Variants in RYR3 observed in about 807,000 individuals in gnomAD.
RYR3 encodes ryanodine receptor 3.
Under a neutral mutation model 584.3 loss-of-function variants are expected in RYR3, and 207 were observed. The ratio of observed to expected loss-of-function variants is 0.35; its 90% CI spans 0.32 to 0.40. RYR3 has a LOEUF of 0.40. RYR3 is among the 10% of genes least tolerant of loss of function. The pLI, the probability that RYR3 is intolerant of heterozygous loss-of-function variation, is 1.00. For missense variants in RYR3, 5,616 were observed against 6,089.2 expected (o/e 0.92, Z 2.59); for synonymous variants, 2,416 against 2,248.5 (o/e 1.07, Z -2.11).
intron 2 of RYR3, among the ~76,000 whole-genome samples, chr15:33,480,642 A>G (rs1360809658): frequency 4.6e-5 from 7 of 152,246 alleles, no homozygotes; most frequent in Non-Finnish European, 4.4e-5. Flanking sequence ...GTTTTAAACA[A>G]TGAATCAGTG....
chr15:33,488,688 TA>T (rs1485514072), intron 2 of RYR3, among the ~76,000 whole-genome samples: 1 of 152,030 alleles, frequency 6.6e-6, no homozygotes, highest in Non-Finnish European at 1.5e-5. Context: ...CCGTCTCTAC[TA>T]AAAATACAAA....
intron 12 of RYR3, among the ~76,000 whole-genome samples, chr15:33,567,820 ATTG>A (rs1340274820): frequency 1.3e-5 from 2 of 152,192 alleles, no homozygotes; most frequent in Admixed American, 1.3e-4. Context: ...AGCAACTCAT[ATTG>A]TTATAGGCCC....
intron 38 of RYR3, among the ~76,000 whole-genome samples, chr15:33,682,552 TTAA>T (rs2064702146): frequency 6.6e-6 from 1 of 152,182 alleles, no homozygotes; most frequent in Non-Finnish European, 1.5e-5. Context: ...AATTAGAATG[TTAA>T]TAATAATCTC....
intron 46 of RYR3, among the ~76,000 whole-genome samples, chr15:33,727,469 T>C (rs2068563599): frequency 6.6e-6 from 1 of 152,188 alleles, no homozygotes; most frequent in Non-Finnish European, 1.5e-5. Context: ...CACATCAGTA[T>C]AAGCACAGTA....
intron 12 of RYR3, among the ~76,000 whole-genome samples, chr15:33,568,504 C>A (rs2057841199): frequency 2.0e-5 from 3 of 151,874 alleles, no homozygotes; most frequent in Admixed American, 6.6e-5. Flanking sequence ...TAGGGTCTCA[C>A]TGCGGCCTTT....
At chr15:33,631,648 G>A (rs931583620) in intron 23 of RYR3, among the ~76,000 whole-genome samples, 2 of 152,190 alleles carry the variant, frequency 1.3e-5, no homozygotes, top group African/African-American at 4.8e-5. Flanking sequence ...CATTGGACCA[G>A]CCTTGTAAGT....
At chr15:33,628,437 A>C in intron 20 of RYR3, 34 bp from the exon 21 acceptor site, 1 of 1,452,624 alleles carries the variant, frequency 6.9e-7, no homozygotes, top group Middle Eastern at 1.7e-4. Context: ...GTTTCAAAAC[A>C]ATCGATTCTT....
intron 1 of RYR3, among the ~76,000 whole-genome samples, chr15:33,357,894 C>T (rs769581575): frequency 5.3e-5 from 8 of 152,136 alleles, no homozygotes; most frequent in East Asian, 3.9e-4. Context: ...GGCAAACTTA[C>T]GTTGGATCAG....
At chr15:33,512,655 G>T (rs1047821987) in intron 3 of RYR3, among the ~76,000 whole-genome samples, 1 of 152,120 alleles carries the variant, frequency 6.6e-6, no homozygotes, top group African/African-American at 2.4e-5. Flanking sequence ...CTAGAATTCT[G>T]TTCATCCTTG....
rs1285076220 is a variant in RYR3, at chr15:33,586,035, C to G, written c.1707C>G (p.Ser569Arg). Residue 569 changes from serine to arginine, a missense_variant, in exon 16 of 104, where the codon AGC (serine) becomes AGG (arginine). By Grantham distance (110) the Ser-to-Arg change is moderately radical. Transcript: ENST00000634891. ...LEVLHCILTE[S>R]PEALNLIAEG... ...TTTTGCACTGCATCTTAACTGAAAGCCCAGAAGCCTTAAATCTGATAGCGG... is the reference window on the plus strand; with the variant it reads ...TTTTGCACTGCATCTTAACTGAAAGGCCAGAAGCCTTAAATCTGATAGCGG... The G allele has an allele frequency of 6.2e-7, 1 of 1,613,310 alleles. No homozygotes were observed. The highest frequency in any genetic ancestry group is 1.7e-5 in the Admixed American group (1 of 60,016).
At chr15:33,636,689 C>G (rs1031093799) in intron 27 of RYR3, 139 bp downstream of exon 27, 3 of 688,994 alleles carry the variant, frequency 4.4e-6, no homozygotes, top group Middle Eastern at 4.1e-4. Context: ...TGAAGACGAT[C>G]CCATAGACTA....
intron 43 of RYR3, among the ~76,000 whole-genome samples, chr15:33,716,519 C>G (rs1391040662): frequency 6.6e-6 from 1 of 152,118 alleles, no homozygotes; most frequent in African/African-American, 2.4e-5. Flanking sequence ...CAAAGTGAAA[C>G]AGCATCAAAG....
At chr15:33,856,048 C>G (rs1041769793) in intron 98 of RYR3, 7 of 152,190 alleles carry the variant, frequency 4.6e-5, no homozygotes, top group Admixed American at 2.6e-4. Context: ...CTCACAACTA[C>G]CTGGTAAGGC....
chr15:33,755,726 G>T (rs2071756787), intron 58 of RYR3, among the ~76,000 whole-genome samples: 1 of 152,144 alleles, frequency 6.6e-6, no homozygotes, highest in South Asian at 2.1e-4. Flanking sequence ...CTGTTGTCTT[G>T]CTTTATGACT....
chr15:33,800,226 A>C lies in RYR3; in HGVS notation c.9831-544A>C, dbSNP rs143434406. On this transcript the variant is annotated intron_variant, in intron 67 of 103. Coordinates refer to ENST00000634891, the MANE Select transcript of RYR3 (RefSeq NM_001036.6). ...TGCTTATACACTTCAAATCACAGCG[A>C]AAAACATATTATCTTACAAATTTCA... Among the ~76,000 whole-genome samples, 10 of 152,330 alleles carry C rather than the reference A, an allele frequency of 6.6e-5. No homozygotes were observed. In the East Asian group the frequency reaches 1.9e-3, roughly 29 times the overall value.
intron 1 of RYR3, among the ~76,000 whole-genome samples, chr15:33,388,522 T>G (rs1033723691): frequency 1.3e-5 from 2 of 152,140 alleles, no homozygotes; most frequent in Non-Finnish European, 2.9e-5. Context: ...ATTGCTACCT[T>G]TAATTTCCTA....
At chr15:33,400,643 C>T (rs1424554831) in intron 1 of RYR3, among the ~76,000 whole-genome samples, 1 of 152,180 alleles carries the variant, frequency 6.6e-6, no homozygotes, top group African/African-American at 2.4e-5. Context: ...GATAAAGCAA[C>T]ACGGCAATTT....
intron 10 of RYR3, among the ~76,000 whole-genome samples, chr15:33,559,269 C>T (rs148939105): frequency 3.3e-5 from 5 of 152,292 alleles, no homozygotes; most frequent in South Asian, 2.1e-4. Flanking sequence ...TATCCTCCAG[C>T]TTTGGCTAAG....
chr15:33,488,698 A>C lies in RYR3; in HGVS notation c.172-14933A>C, dbSNP rs559313101. ...AAACCCCGTCTCTACTAAAAATACA[A>C]AAAATTAGCCAGGCATGGTGACACG... On this transcript the variant is annotated intron_variant, in intron 2 of 103. Transcript: ENST00000634891. Among the ~76,000 whole-genome samples, 8 of 152,190 alleles carry C rather than the reference A, an allele frequency of 5.3e-5. No homozygotes were observed. The East Asian group carries it at 1.2e-3, about 22-fold the overall frequency.
Sources: allele counts gnomAD v4.1 joint callset (sites outside exome capture counted in the v4.1 genomes callset), GRCh38; gene constraint gnomAD v4.1.1; transcripts MANE v1.5; gene names NCBI Gene and HGNC (gene_info 2026-07-23, HGNC 2026-07-21).